The following TUT4 variants were observed in gnomAD, a reference collection of about 807,000 sequenced individuals.
TUT4 encodes terminal uridylyltransferase 4.
In TUT4, 36 loss-of-function variants were observed where a neutral mutation model predicts 192.2. The ratio of observed to expected loss-of-function variants is 0.19; its 90% CI spans 0.14 to 0.25. TUT4 has a LOEUF of 0.25. Ranked by LOEUF, TUT4 falls within the 10% of genes least tolerant of loss-of-function variation. TUT4 has a pLI of 1.00. For missense variants in TUT4, 1,493 were observed against 1,957.2 expected (o/e 0.76, Z 4.47); for synonymous variants, 618 against 666.0 (o/e 0.93, Z 1.11).
In TUT4 at chr1:52,481,785, G is replaced by A; in HGVS notation, c.1635+19C>T. 6.4e-7 allele frequency: 1 copy of A among 1,569,928 alleles called. No individual in the cohort carries two copies. The stretch of plus-strand genomic sequence containing the variant: ...ACTATATATATATATGCATATATAT[G>A]TCACAAATTCATGCTTACCCAACTT... On this transcript the variant is annotated intron_variant, in intron 10 of 29. Coordinates refer to ENST00000257177, the MANE Select transcript of TUT4 (RefSeq NM_001009881.3).
intron 15 of TUT4, among the ~76,000 whole-genome samples, 170 bp downstream of exon 15, chr1:52,468,011 C>G (rs1156850302): frequency 6.6e-6 from 1 of 152,064 alleles, no homozygotes; most frequent in Non-Finnish European, 1.5e-5. Flanking sequence ...ATTTGTCTCC[C>G]CATTTGAAAC....
chr1:52,505,830 GT>G (rs199545493), intron 4 of TUT4, among the ~76,000 whole-genome samples: 5 of 151,158 alleles, frequency 3.3e-5, no homozygotes. Flanking sequence ...AATGAGCGGG[GT>G]TTTTTTTGTT....
upstream of TUT4, chr1:52,553,370 G>A (rs1337049861): frequency 6.6e-6 from 1 of 151,972 alleles, no homozygotes; most frequent in Non-Finnish European, 1.5e-5. Context: ...GGGGGGAGGG[G>A]TCTCGTGGTG....
At chr1:52,461,303 C>T (rs1662474914) in intron 18 of TUT4, 80 bp from the exon 19 acceptor site, 20 of 1,330,216 alleles carry the variant, frequency 1.5e-5, no homozygotes, top group Admixed American at 2.2e-5. Context: ...GTAAAATACA[C>T]TCCAAATACA....
At chr1:52,441,357 C>A (rs1462399583) in intron 24 of TUT4, among the ~76,000 whole-genome samples, 4 of 146,642 alleles carry the variant, frequency 2.7e-5, no homozygotes, top group Non-Finnish European at 6.0e-5. Context: ...AATCTCAGCT[C>A]AATGCAACCT....
At chr1:52,533,661 C>A (rs971981646) in intron 1 of TUT4, among the ~76,000 whole-genome samples, 3 of 152,102 alleles carry the variant, frequency 2.0e-5, no homozygotes, top group African/African-American at 7.2e-5. Flanking sequence ...TACCCTCCAG[C>A]AGCTTTCTAA....
intron 24 of TUT4, among the ~76,000 whole-genome samples, chr1:52,438,828 G>A (rs918285866): frequency 3.3e-5 from 5 of 152,174 alleles, no homozygotes; most frequent in African/African-American, 1.2e-4. Context: ...CCAACACTTT[G>A]GGAGGCTGAG....
At position 52,489,051 on chromosome 1, in the gene TUT4, A is replaced by C; in HGVS notation, c.1389-16T>G. 3 of 1,602,582 alleles carry C rather than the reference A, an allele frequency of 1.9e-6. No individual in the cohort carries two copies. The highest frequency in any genetic ancestry group is 8.5e-7 in the Non-Finnish European group (1 of 1,176,646). On this transcript the variant is annotated splice_polypyrimidine_tract_variant and intron_variant, in intron 8 of 29. Transcript: ENST00000257177. Reference sequence around the variant, plus strand: ...AAGTAAACCACTGTGAATGAGAAAGAAACAAATTTCATTGTATTAATACCC... The same window carrying C: ...AAGTAAACCACTGTGAATGAGAAAGCAACAAATTTCATTGTATTAATACCC...
intron 8 of TUT4, 105 bp from the exon 9 acceptor site, chr1:52,489,140 T>C: frequency 1.1e-5 from 13 of 1,190,138 alleles, no homozygotes; most frequent in Non-Finnish European, 1.4e-5. Flanking sequence ...TGTAACATAG[T>C]ACCGTAAAAG....
chr1:52,461,790 A>G (rs1040010140), intron 16 of TUT4, 21 bp from the exon 17 acceptor site: 6 of 1,296,366 alleles, frequency 4.6e-6, no homozygotes, highest in East Asian at 5.0e-5. Flanking sequence ...AATCAAATAA[A>G]TAAGTTTGAC....
At chr1:52,466,342 T>G (rs1230361425) in intron 15 of TUT4, among the ~76,000 whole-genome samples, 5 of 151,924 alleles carry the variant, frequency 3.3e-5, no homozygotes, top group Non-Finnish European at 1.5e-5. Context: ...TTACAAAAAT[T>G]TTTTAAGATA....
chr1:52,552,063 C>T (rs1689589900), intron 1 of TUT4, among the ~76,000 whole-genome samples: 1 of 152,202 alleles, frequency 6.6e-6, no homozygotes, highest in Non-Finnish European at 1.5e-5. Flanking sequence ...AATGAAGAAG[C>T]AGATATACGG....
intron 24 of TUT4, among the ~76,000 whole-genome samples, chr1:52,441,873 G>C (rs1162746522): frequency 2.6e-5 from 4 of 151,932 alleles, no homozygotes; most frequent in Admixed American, 1.3e-4. Context: ...AGCAATTCAA[G>C]GTATATGTCA....
intron 1 of TUT4, among the ~76,000 whole-genome samples, chr1:52,527,412 G>A (rs1048704650): frequency 6.6e-6 from 1 of 152,058 alleles, no homozygotes; most frequent in Admixed American, 6.5e-5. Flanking sequence ...TGGGCGTGGT[G>A]GCACATGCCT....
At chr1:52,500,806 C>A (rs1267853817) in intron 4 of TUT4, among the ~76,000 whole-genome samples, 3 of 151,962 alleles carry the variant, frequency 2.0e-5, no homozygotes, top group African/African-American at 7.3e-5. Context: ...CATGGTGGCA[C>A]ATGCTTGTGG....
At chr1:52,476,480 C>G (rs962792887) in intron 12 of TUT4, among the ~76,000 whole-genome samples, 1 of 152,018 alleles carries the variant, frequency 6.6e-6, no homozygotes, top group African/African-American at 2.4e-5. Flanking sequence ...GAACAGTGCA[C>G]CAAAAAGACA....
intron 1 of TUT4, among the ~76,000 whole-genome samples, chr1:52,548,977 C>T (rs1558041133): frequency 1.3e-5 from 2 of 152,130 alleles, no homozygotes; most frequent in South Asian, 4.1e-4. Context: ...AGGTGATCTC[C>T]CCCAGAGGTG....
chr1:52,444,211 T>C (rs2148415830), intron 24 of TUT4, among the ~76,000 whole-genome samples: 1 of 152,288 alleles, frequency 6.6e-6, no homozygotes. Context: ...TCCAGCCTGG[T>C]GACAGAGCGA....
intron 24 of TUT4, among the ~76,000 whole-genome samples, chr1:52,440,659 A>AT (rs2148345080): frequency 6.6e-6 from 1 of 152,214 alleles, no homozygotes; most frequent in South Asian, 2.1e-4. Flanking sequence ...CTATTGCTGA[A>AT]TATCTCTTGA....
Sources: gnomAD v4.1 joint callset for allele counts (sites outside exome capture counted in the v4.1 genomes callset) on GRCh38, gnomAD v4.1.1 for gene constraint, MANE v1.5 for transcripts, NCBI Gene and HGNC (gene_info 2026-07-23, HGNC 2026-07-21) for gene names.